The following IGSF11 variants were observed in gnomAD, a reference collection of about 807,000 sequenced individuals.
IGSF11 encodes immunoglobulin superfamily member 11.
IGSF11 carries 22 observed loss-of-function variants against 41.0 expected under a neutral mutation model. The observed-to-expected ratio is 0.54, with a 90% CI of 0.38 to 0.77. The LOEUF (loss-of-function observed/expected upper bound fraction) is 0.77, where lower values mean the gene tolerates loss of function less well. Ranked by LOEUF, IGSF11 falls within the 30% of genes least tolerant of loss-of-function variation. IGSF11 has a pLI of 0.00. For synonymous variants in IGSF11, 219 were observed against 201.3 expected (o/e 1.09, Z -0.74); for missense variants, 444 against 530.8 (o/e 0.84, Z 1.61).
At chr3:119,051,106 G>A (rs188986036) in intron 1 of IGSF11, among the ~76,000 whole-genome samples, 4 of 151,010 alleles carry the variant, frequency 2.6e-5, no homozygotes, top group Non-Finnish European at 4.4e-5. Flanking sequence ...TGTAACTAAC[G>A]TGCACAATGT....
chr3:119,045,379 TGACGAAC>T, intron 1 of IGSF11, among the ~76,000 whole-genome samples: 1 of 152,112 alleles, frequency 6.6e-6, no homozygotes, highest in East Asian at 1.9e-4. Context: ...AAGAAAGGGG[TGACGAAC>T]GGCACCTGGA....
At chr3:119,082,117 C>T (rs1455902482) in intron 1 of IGSF11, among the ~76,000 whole-genome samples, 1 of 152,178 alleles carries the variant, frequency 6.6e-6, no homozygotes, top group Non-Finnish European at 1.5e-5. Context: ...ACTATGTAAA[C>T]TCCTCCCACT....
At chr3:118,905,479 T>C in intron 5 of IGSF11, 117 bp downstream of exon 5, 2 of 1,079,108 alleles carry the variant, frequency 1.9e-6, no homozygotes, top group Admixed American at 4.6e-5. Flanking sequence ...CCAAAACAAT[T>C]TCTATTTAAT....
At chr3:118,991,216 T>C (rs1474730917) in intron 1 of IGSF11, among the ~76,000 whole-genome samples, 3 of 152,182 alleles carry the variant, frequency 2.0e-5, no homozygotes, top group Non-Finnish European at 2.9e-5. Context: ...ACAATTCAAT[T>C]ATTGTTCCAT....
intron 1 of IGSF11, among the ~76,000 whole-genome samples, chr3:119,091,998 G>GGT (rs1559862340): frequency 1.4e-5 from 2 of 144,056 alleles, no homozygotes; most frequent in African/African-American, 5.2e-5. Context: ...TTTTTTGGGG[G>GGT]GGGGGGGTTG....
chr3:119,030,665 A>G (rs941752716), intron 1 of IGSF11, among the ~76,000 whole-genome samples: 4 of 152,138 alleles, frequency 2.6e-5, no homozygotes, highest in African/African-American at 9.7e-5. Flanking sequence ...TTTGAATACC[A>G]CCCAAGAACC....
intron 1 of IGSF11, among the ~76,000 whole-genome samples, chr3:119,122,798 A>G (rs1343778612): frequency 1.3e-5 from 2 of 152,216 alleles, no homozygotes; most frequent in African/African-American, 4.8e-5. Context: ...AGGTCCCATC[A>G]CCTGCTGACT....
intron 1 of IGSF11, among the ~76,000 whole-genome samples, chr3:119,119,776 G>T (rs79277197): frequency 2.0e-5 from 3 of 152,124 alleles, no homozygotes; most frequent in Admixed American, 1.3e-4. Context: ...GGGGAGGGGG[G>T]TTATCCTCAG....
At chr3:119,000,686 C>CAAAA (rs1936733800) in intron 1 of IGSF11, among the ~76,000 whole-genome samples, 1 of 152,164 alleles carries the variant, frequency 6.6e-6, no homozygotes, top group Admixed American at 6.6e-5. Context: ...AGTGTGTCCT[C>CAAAA]TTAATCAGGA....
At chr3:119,032,590 G>GTA (rs1404650306) in intron 1 of IGSF11, among the ~76,000 whole-genome samples, 1 of 152,118 alleles carries the variant, frequency 6.6e-6, no homozygotes, top group East Asian at 1.9e-4. Flanking sequence ...CCTTTCAAGA[G>GTA]TATACCCCTG....
intron 1 of IGSF11, among the ~76,000 whole-genome samples, chr3:119,054,642 A>G (rs1313711700): frequency 6.6e-6 from 1 of 152,254 alleles, no homozygotes; most frequent in Non-Finnish European, 1.5e-5. Context: ...AAGAACTAAA[A>G]GTAGAATTAC....
At chr3:119,019,227 T>G (rs1218737665) in intron 1 of IGSF11, among the ~76,000 whole-genome samples, 1 of 151,820 alleles carries the variant, frequency 6.6e-6, no homozygotes, top group East Asian at 1.9e-4. Context: ...TCTGTGGGAT[T>G]AGCCATACAT....
chr3:118,912,575 T>C (rs1940463251), intron 4 of IGSF11, among the ~76,000 whole-genome samples: 1 of 152,114 alleles, frequency 6.6e-6, no homozygotes, highest in Non-Finnish European at 1.5e-5. Context: ...CCAAAACCTC[T>C]AGAGCTGTTG....
chr3:119,007,693 A>G (rs931294069), intron 1 of IGSF11, among the ~76,000 whole-genome samples: 4 of 151,690 alleles, frequency 2.6e-5, no homozygotes, highest in Non-Finnish European at 5.9e-5. Flanking sequence ...CCATCTCCCA[A>G]CCTCTACCAA....
intron 6 of IGSF11, among the ~76,000 whole-genome samples, 180 bp from the exon 7 acceptor site, chr3:118,903,141 C>T (rs887217421): frequency 6.6e-6 from 1 of 152,142 alleles, no homozygotes; most frequent in Non-Finnish European, 1.5e-5. Flanking sequence ...GGTATCCATT[C>T]CCTTTGAGAC....
At chr3:119,018,869 C>G (rs56234333) in intron 1 of IGSF11, among the ~76,000 whole-genome samples, 12,461 of 152,266 alleles carry the variant, frequency 0.082, 610 homozygotes, top group East Asian at 0.12. Context: ...CTCATCAGAG[C>G]TGGCACTGAA....
At chr3:119,047,287 A>C (rs140498839) in intron 1 of IGSF11, among the ~76,000 whole-genome samples, 3,913 of 152,198 alleles carry the variant, frequency 0.026, 141 homozygotes, top group African/African-American at 0.089. Context: ...GCTCAAAATA[A>C]AAGGATGGAG....
intron 1 of IGSF11, among the ~76,000 whole-genome samples, chr3:119,065,954 T>G (rs990038700): frequency 2.6e-5 from 4 of 152,200 alleles, no homozygotes; most frequent in African/African-American, 9.7e-5. Context: ...GGGCTGTTTT[T>G]TAATGGACAA....
intron 1 of IGSF11, among the ~76,000 whole-genome samples, chr3:118,997,851 C>T (rs192615328): frequency 6.6e-5 from 10 of 152,212 alleles, no homozygotes; most frequent in African/African-American, 2.2e-4. Context: ...CAGTACTACA[C>T]AAAAATATTT....
Sources: allele counts gnomAD v4.1 joint callset (sites outside exome capture counted in the v4.1 genomes callset), GRCh38; gene constraint gnomAD v4.1.1; transcripts MANE v1.5; gene names NCBI Gene and HGNC (gene_info 2026-07-23, HGNC 2026-07-21).